Variants in DTD1 observed in about 807,000 individuals in gnomAD.
DTD1 encodes the protein D-tyrosyl-tRNA deacylase 1 homolog.
A neutral mutation model predicts 25.6 loss-of-function variants in DTD1; 13 were observed. The observed-to-expected ratio is 0.51, with a 90% CI of 0.33 to 0.81. The LOEUF is 0.81. Among genes scored for constraint, DTD1 ranks in the 30% least tolerant of loss-of-function variants. The probability of loss-of-function intolerance (pLI) is 0.02; values close to 1 mark genes in which losing one functional copy is unlikely to be tolerated. For synonymous variants in DTD1, 110 were observed against 103.6 expected, an observed-to-expected ratio of 1.06 and a Z score of -0.37; for missense variants, 193 against 266.4, an observed-to-expected ratio of 0.72 and a Z score of 1.92.
At chr20:18,728,872 T>C (rs1294453844) in intron 4 of DTD1, among the ~76,000 whole-genome samples, 1 of 152,202 alleles carries the variant, frequency 6.6e-6, no homozygotes, top group African/African-American at 2.4e-5. Context: ...TTCTCCAATT[T>C]CATTGTTAGC....
chr20:18,696,527 T>C (rs1355269561), intron 4 of DTD1, among the ~76,000 whole-genome samples: 1 of 152,166 alleles, frequency 6.6e-6, no homozygotes, highest in Non-Finnish European at 1.5e-5. Flanking sequence ...AAGGTCACTA[T>C]GCTCACAGGT....
chr20:18,689,637 T>C (rs549848023), intron 4 of DTD1, among the ~76,000 whole-genome samples: 2 of 152,236 alleles, frequency 1.3e-5, no homozygotes, highest in Non-Finnish European at 2.9e-5. Flanking sequence ...TTACAGTGCA[T>C]GTGGACAATA....
intron 4 of DTD1, among the ~76,000 whole-genome samples, chr20:18,629,908 A>G (rs1194394237): frequency 1.3e-5 from 2 of 152,066 alleles, no homozygotes; most frequent in Non-Finnish European, 1.5e-5. Context: ...CACTGTCACG[A>G]GAACAGCAAG....
chr20:18,760,397 G>C (rs1250249339), intron 5 of DTD1, among the ~76,000 whole-genome samples: 1 of 152,164 alleles, frequency 6.6e-6, no homozygotes, highest in East Asian at 1.9e-4. Flanking sequence ...TGATGGTGAC[G>C]TACAGATAGG....
chr20:18,739,874 C>T (rs1369265763), intron 4 of DTD1, among the ~76,000 whole-genome samples: 1 of 152,216 alleles, frequency 6.6e-6, no homozygotes, highest in Non-Finnish European at 1.5e-5. Context: ...TCACAGAGAA[C>T]TTGAGTTTGC....
intron 4 of DTD1, among the ~76,000 whole-genome samples, chr20:18,636,088 C>T (rs921146694): frequency 6.6e-6 from 1 of 152,008 alleles, no homozygotes; most frequent in Non-Finnish European, 1.5e-5. Context: ...TTTGTTTGTT[C>T]CTGTATATGT....
At chr20:18,595,926 TG>T in intron 2 of DTD1, 79 bp from the exon 3 acceptor site, 4 of 1,224,644 alleles carry the variant, frequency 3.3e-6, no homozygotes, top group Non-Finnish European at 4.8e-6. Flanking sequence ...GACCGGAAGC[TG>T]GTGACATTTT....
chr20:18,612,721 C>G, intron 3 of DTD1, among the ~76,000 whole-genome samples: 1 of 151,772 alleles, frequency 6.6e-6, no homozygotes, highest in East Asian at 1.9e-4. Context: ...TGCATTGGCG[C>G]AATCTGGGCT....
chr20:18,720,944 A>C (rs1227935800), intron 4 of DTD1, among the ~76,000 whole-genome samples: 1 of 152,176 alleles, frequency 6.6e-6, no homozygotes, highest in Admixed American at 6.5e-5. Flanking sequence ...ATATCCAGCA[A>C]CCTTGTTAAA....
intron 4 of DTD1, among the ~76,000 whole-genome samples, chr20:18,689,226 C>T (rs191904995): frequency 2.6e-5 from 4 of 152,128 alleles, no homozygotes; most frequent in Admixed American, 2.6e-4. Context: ...CCTTTTCCCT[C>T]CCATGTGAAC....
At chr20:18,638,820 CAG>C (rs1159820824) in intron 4 of DTD1, among the ~76,000 whole-genome samples, 2 of 152,098 alleles carry the variant, frequency 1.3e-5, no homozygotes, top group African/African-American at 4.8e-5. Context: ...GACAGGGTGG[CAG>C]AGAGGGCATT....
intron 5 of DTD1, among the ~76,000 whole-genome samples, chr20:18,744,519 G>A (rs1258991054): frequency 1.3e-5 from 2 of 151,952 alleles, no homozygotes; most frequent in African/African-American, 2.4e-5. Context: ...GCAGTTCCAC[G>A]TGGCTGGGGA....
At chr20:18,706,717 A>G (rs2061127919) in intron 4 of DTD1, among the ~76,000 whole-genome samples, 1 of 152,236 alleles carries the variant, frequency 6.6e-6, no homozygotes, top group African/African-American at 2.4e-5. Context: ...TCTCTGAGGC[A>G]GATCAAGTGG....
intron 2 of DTD1, among the ~76,000 whole-genome samples, chr20:18,595,385 GC>G (rs1176822494): frequency 6.6e-6 from 1 of 151,916 alleles, no homozygotes; most frequent in East Asian, 1.9e-4. Flanking sequence ...TTGTGCCTAA[GC>G]CTCCTGAGTA....
At chr20:18,649,579 C>T (rs6081278) in intron 4 of DTD1, among the ~76,000 whole-genome samples, 67,270 of 151,566 alleles carry the variant, frequency 0.44, 15,266 homozygotes, top group Middle Eastern at 0.5. Context: ...CCTCGTGATC[C>T]GCCCGCCTTG....
chr20:18,662,273 T>C (rs1311149074), intron 4 of DTD1, among the ~76,000 whole-genome samples: 1 of 152,166 alleles, frequency 6.6e-6, no homozygotes, highest in East Asian at 1.9e-4. Context: ...ACTAGCAATT[T>C]TTGTTGGCCA....
At chr20:18,626,330 C>T (rs1431307817) in intron 3 of DTD1, among the ~76,000 whole-genome samples, 1 of 152,162 alleles carries the variant, frequency 6.6e-6, no homozygotes, top group Non-Finnish European at 1.5e-5. Context: ...TTTGTAGCTA[C>T]ACAGAGAATC....
chr20:18,732,324 C>T (rs1459816744), intron 4 of DTD1, among the ~76,000 whole-genome samples: 1 of 152,210 alleles, frequency 6.6e-6, no homozygotes, highest in Non-Finnish European at 1.5e-5. Flanking sequence ...GCTTAAGTAT[C>T]TCCTTAAACT....
At chr20:18,731,966 A>G (rs1012016918) in intron 4 of DTD1, among the ~76,000 whole-genome samples, 2 of 152,164 alleles carry the variant, frequency 1.3e-5, no homozygotes, top group African/African-American at 4.8e-5. Flanking sequence ...TGGAAGCCTT[A>G]TTAGCTCCCA....
Sources: allele counts gnomAD v4.1 joint callset (sites outside exome capture counted in the v4.1 genomes callset), GRCh38; gene constraint gnomAD v4.1.1; transcripts MANE v1.5; gene names NCBI Gene and HGNC (gene_info 2026-07-23, HGNC 2026-07-21).